CEP63: variants seen among roughly 807,000 people sequenced by gnomAD.
The protein encoded by CEP63 is centrosomal protein of 63 kDa.
A neutral mutation model predicts 89.1 loss-of-function variants in CEP63; 84 were observed. That is an observed-to-expected ratio of 0.94 (90% CI 0.79 to 1.13). The LOEUF (loss-of-function observed/expected upper bound fraction) is 1.13, where lower values mean the gene tolerates loss of function less well. CEP63 is among the 50% of genes most tolerant of loss of function. CEP63 has a pLI of 0.00. For missense variants in CEP63, 838 were observed against 813.3 expected, an observed-to-expected ratio of 1.03 and a Z score of -0.37; for synonymous variants, 267 against 272.5, an observed-to-expected ratio of 0.98 and a Z score of 0.20.
chr3:134,614,562 A>G, the CEP63 span, among the ~76,000 whole-genome samples: 1 of 151,966 alleles, frequency 6.6e-6, no homozygotes, highest in African/African-American at 2.4e-5. Flanking sequence ...GCCTGATGGG[A>G]AGAGACTGAA....
the CEP63 span, among the ~76,000 whole-genome samples, chr3:134,723,617 G>A: frequency 2.6e-5 from 4 of 152,224 alleles, no homozygotes; most frequent in African/African-American, 9.6e-5. Context: ...GGATTTCAGT[G>A]GGTATGAGAA....
intron 2 of CEP63, among the ~76,000 whole-genome samples, chr3:134,503,437 G>T (rs572777562): frequency 6.9e-4 from 105 of 152,134 alleles, no homozygotes; most frequent in African/African-American, 2.4e-3. Flanking sequence ...CTAACATATG[G>T]TCTATCCTGG....
the CEP63 span, among the ~76,000 whole-genome samples, chr3:134,736,174 G>T: frequency 5.1e-4 from 77 of 152,094 alleles, no homozygotes; most frequent in Admixed American, 2.2e-3. Context: ...ATCATCATGC[G>T]TATATTAAAA....
the CEP63 span, among the ~76,000 whole-genome samples, chr3:134,592,841 T>C: frequency 2.2e-3 from 339 of 152,300 alleles, 1 homozygote; most frequent in African/African-American, 7.9e-3. Context: ...AGGTTTTCTT[T>C]TTCTTTTCAT....
chr3:134,491,736 A>G (rs1477734019), intron 1 of CEP63, among the ~76,000 whole-genome samples: 1 of 152,142 alleles, frequency 6.6e-6, no homozygotes, highest in Non-Finnish European at 1.5e-5. Flanking sequence ...TTTACTGGCC[A>G]TGGTATATCT....
chr3:134,697,352 A>G, the CEP63 span, among the ~76,000 whole-genome samples: 1 of 152,180 alleles, frequency 6.6e-6, no homozygotes, highest in Non-Finnish European at 1.5e-5. Context: ...AAAACTTGAC[A>G]GGGTGTTTTC....
At chr3:134,623,424 G>T in the CEP63 span, among the ~76,000 whole-genome samples, 7 of 152,062 alleles carry the variant, frequency 4.6e-5, no homozygotes. Context: ...CTCCCCTCCT[G>T]CTTCAGCCTT....
the CEP63 span, among the ~76,000 whole-genome samples, chr3:134,637,245 G>C: frequency 6.6e-6 from 1 of 152,200 alleles, no homozygotes; most frequent in Non-Finnish European, 1.5e-5. Context: ...AGTTCTGGTC[G>C]TAGGACTGGG....
chr3:134,552,225 C>T (rs754516229), intron 12 of CEP63: 10 of 353,216 alleles, frequency 2.8e-5, no homozygotes, highest in East Asian at 5.6e-5. Context: ...TTTTTTGAGA[C>T]GGGGTTTCAC....
the CEP63 span, among the ~76,000 whole-genome samples, chr3:134,710,914 G>A: frequency 6.6e-6 from 1 of 151,808 alleles, no homozygotes; most frequent in East Asian, 1.9e-4. Flanking sequence ...TAGAGACGGG[G>A]TTTCACCATG....
chr3:134,771,482 C>T, the CEP63 span, among the ~76,000 whole-genome samples: 2 of 152,162 alleles, frequency 1.3e-5, no homozygotes, highest in East Asian at 3.9e-4. Context: ...CTAGGCCCCA[C>T]CCCCAAAGTT....
chr3:134,772,444 G>A, the CEP63 span, among the ~76,000 whole-genome samples: 8 of 152,064 alleles, frequency 5.3e-5, no homozygotes, highest in African/African-American at 1.9e-4. Flanking sequence ...GTCACTTTGG[G>A]GGTGAGCCAG....
chr3:134,658,777 G>T, the CEP63 span, among the ~76,000 whole-genome samples: 1 of 152,188 alleles, frequency 6.6e-6, no homozygotes, highest in African/African-American at 2.4e-5. Flanking sequence ...GCATGAATTT[G>T]GGGAGAGCTT....
the CEP63 span, among the ~76,000 whole-genome samples, chr3:134,760,235 T>G: frequency 6.6e-6 from 1 of 151,828 alleles, no homozygotes; most frequent in Non-Finnish European, 1.5e-5. Flanking sequence ...ATTTTTTGTA[T>G]TTTTTAGTAG....
chr3:134,531,462 A>C (rs1225318699), intron 3 of CEP63, among the ~76,000 whole-genome samples: 1 of 152,164 alleles, frequency 6.6e-6, no homozygotes, highest in Non-Finnish European at 1.5e-5. Context: ...ATGCGCCTGT[A>C]ATCCCAGCTA....
rs528260393 is a variant in CEP63 at position 134,515,170 on chromosome 3, A to G, written c.222+7884A>G. On this transcript the variant is annotated intron_variant, in intron 3 of 14. Transcript: ENST00000675561. ...TCCATGTTTTTATCTTGAGGGAACCATTAAAAGTATATATTAGTAGAGAAT... is the reference window on the plus strand; with the variant it reads ...TCCATGTTTTTATCTTGAGGGAACCGTTAAAAGTATATATTAGTAGAGAAT... 2.8e-4 allele frequency among the ~76,000 whole-genome samples: 42 copies of G among 152,378 alleles called. 1 individual carries two copies. In the South Asian group the frequency reaches 3.9e-3, roughly 14 times the overall value.
chr3:134,768,867 T>TCC, the CEP63 span, among the ~76,000 whole-genome samples: 50 of 152,164 alleles, frequency 3.3e-4, no homozygotes, highest in African/African-American at 1.2e-3. Flanking sequence ...TCACATGAGC[T>TCC]CCTCCATAGC....
chr3:134,488,616 A>G (rs78628529), intron 1 of CEP63, among the ~76,000 whole-genome samples: 2,973 of 152,094 alleles, frequency 0.02, 50 homozygotes, highest in Middle Eastern at 0.034. Flanking sequence ...CTCAAAAAAC[A>G]AAAAAAAGTG....
chr3:134,608,542 G>T, the CEP63 span: 3 of 1,604,822 alleles, frequency 1.9e-6, no homozygotes, highest in Non-Finnish European at 2.5e-6. Flanking sequence ...CAAGCCATGC[G>T]TCTGGAAGGG....
Sources: allele counts gnomAD v4.1 joint callset (sites outside exome capture counted in the v4.1 genomes callset), GRCh38; gene constraint gnomAD v4.1.1; transcripts MANE v1.5; gene names NCBI Gene and HGNC (gene_info 2026-07-23, HGNC 2026-07-21).